The following WWP2 variants were observed in gnomAD, a reference collection of about 807,000 sequenced individuals.
The protein encoded by WWP2 is WW domain containing E3 ubiquitin protein ligase 2, also known as NEDD4-like E3 ubiquitin-protein ligase WWP2.
WWP2 carries 57 observed loss-of-function variants against 121.0 expected under a neutral mutation model. The ratio of observed to expected loss-of-function variants is 0.47; its 90% CI spans 0.38 to 0.59. The LOEUF is 0.59. WWP2 is among the 20% of genes least tolerant of loss of function. WWP2 has a pLI of 0.00. For synonymous variants in WWP2, 449 were observed against 441.3 expected (o/e 1.02, Z -0.22); for missense variants, 962 against 1,158.9 (o/e 0.83, Z 2.47).
At chr16:69,883,400 G>GCACACACACA (rs59771717) in intron 7 of WWP2, among the ~76,000 whole-genome samples, 55 of 145,860 alleles carry the variant, frequency 3.8e-4, no homozygotes, top group Non-Finnish European at 5.6e-4. Context: ...AAGAATGTGC[G>GCACACACACA]CACACACACA....
intron 16 of WWP2, chr16:69,933,239 G>A (rs1040144709): frequency 1.9e-5 from 8 of 428,010 alleles, no homozygotes; most frequent in Non-Finnish European, 3.4e-5. Flanking sequence ...GCTGGGGACT[G>A]GCCCCCTTGG....
rs113616767 is a variant in WWP2, at chr16:69,934,084, G to T, written c.1797G>T (p.Pro599=). The change falls in exon 17 of 24, where the codon CCG becomes CCT. Residue 599 remains proline, a synonymous_variant. Coordinates refer to ENST00000359154, the MANE Select transcript of WWP2 (RefSeq NM_001270454.2). ...TCAACCCCGCCTCCTCCATCAACCC[G>T]GACCACCTCACCTACTTTCGCTTTA... ...LQINPASSIN[P]DHLTYFRFIG... 1.2e-6 allele frequency: 2 copies of T among 1,614,040 alleles called. No individual in the cohort carries two copies. Among genetic ancestry groups the T allele is most frequent in the Non-Finnish European group, 1.7e-6 (2 of 1,179,978 alleles).
At chr16:69,861,821 G>T (rs1275661683) in intron 6 of WWP2, among the ~76,000 whole-genome samples, 1 of 151,588 alleles carries the variant, frequency 6.6e-6, no homozygotes, top group Non-Finnish European at 1.5e-5. Context: ...TTTCTTTCTG[G>T]TTCTGTCTTG....
chr16:69,922,756 G>C (rs1025412138), intron 10 of WWP2, among the ~76,000 whole-genome samples: 1 of 152,080 alleles, frequency 6.6e-6, no homozygotes, highest in Non-Finnish European at 1.5e-5. Context: ...GTTGTACTGC[G>C]TACCTTAGGG....
intron 9 of WWP2, chr16:69,909,735 T>TAA (rs1483940516): frequency 2.1e-6 from 2 of 965,348 alleles, no homozygotes; most frequent in Non-Finnish European, 2.5e-6. Context: ...AAAAACAGGT[T>TAA]AAGTGTTTTG....
At position 69,935,774 on chromosome 16, in the gene WWP2, T is replaced by A. The variant is rs1395830870; in HGVS notation, c.1843-79T>A. On this transcript the variant is annotated intron_variant, in intron 17 of 23. Transcript: ENST00000359154. The surrounding 1 kb of genome is among the most constrained non-coding windows in gnomAD (Gnocchi z 5.2). ...GAAGGCGGGTAGCGGTAGCAGAGTT[T>A]GATACCGAGCATCTGAGAGCTGGTC... 5.2e-6 allele frequency: 8 copies of A among 1,536,110 alleles called. No homozygotes were observed. In the South Asian group the frequency reaches 1.0e-4, roughly 20 times the overall value.
Position 69,937,410 on chromosome 16 carries a change from G to GCT in WWP2, c.2239-138_2239-137insCT, listed in dbSNP as rs1346389586. 1.5e-6 allele frequency: 2 copies of GCT among 1,344,314 alleles called. No homozygotes were observed. The highest frequency in any genetic ancestry group is 2.9e-5 in the African/African-American group (2 of 68,334). The allele number at this position is 1,344,314 out of a possible 1,614,324, so 83.3% of individuals were successfully genotyped here. A position where few individuals can be genotyped will look rare whatever the true frequency, so the allele number is the denominator to read the frequency against. ...CCAGACACTTGTTTCAAGAAAGCAG[G>GCT]GACTTACATTACCCATATTATTAAC... On this transcript the variant is annotated intron_variant, in intron 20 of 23. Transcript: ENST00000359154. This position sits in a 1 kb window ranked among gnomAD's most constrained non-coding sequence, Gnocchi z 6.6.
intron 1 of WWP2, among the ~76,000 whole-genome samples, chr16:69,777,130 G>T (rs1278400223): frequency 7.0e-6 from 1 of 143,360 alleles, no homozygotes; most frequent in Non-Finnish European, 1.5e-5. Flanking sequence ...TACACATATG[G>T]ATATATATAC....
rs955708719 is a variant in WWP2 at position 69,935,582 on chromosome 16, G to A, written c.1843-271G>A. Among the ~76,000 whole-genome samples the A allele has an allele frequency of 1.3e-5, 2 of 152,232 alleles. No homozygotes were observed. Among genetic ancestry groups the A allele is most frequent in the Admixed American group, 6.5e-5 (1 of 15,286 alleles). ...GCCGGCCAGCGTGCGGGGCAGATGC[G>A]GGCCCGGACGTGGGTTCCCGCACCA... On this transcript the variant is annotated intron_variant, in intron 17 of 23. Coordinates refer to ENST00000359154, the MANE Select transcript of WWP2 (RefSeq NM_001270454.2). This position sits in a 1 kb window ranked among gnomAD's most constrained non-coding sequence, Gnocchi z 5.2.
At chr16:69,892,315 A>G (rs897465593) in intron 8 of WWP2, among the ~76,000 whole-genome samples, 3 of 151,896 alleles carry the variant, frequency 2.0e-5, no homozygotes, top group South Asian at 2.1e-4. Context: ...TACATTAGGT[A>G]TTTCTCCTAA....
chr16:69,906,524 CT>C (rs1257517354), intron 8 of WWP2, among the ~76,000 whole-genome samples: 1 of 152,104 alleles, frequency 6.6e-6, no homozygotes, highest in African/African-American at 2.4e-5. Context: ...GGACTTTTTT[CT>C]TCATATACAG....
At chr16:69,857,012 C>T (rs1053810729) in intron 6 of WWP2, among the ~76,000 whole-genome samples, 12 of 152,198 alleles carry the variant, frequency 7.9e-5, no homozygotes, top group Admixed American at 5.9e-4. Context: ...TTATGTTTCT[C>T]GTGATTCTTG....
At chr16:69,929,958 C>G (rs1567439837) in intron 12 of WWP2, among the ~76,000 whole-genome samples, 172 bp from the exon 13 acceptor site, 1 of 152,236 alleles carries the variant, frequency 6.6e-6, no homozygotes, top group Non-Finnish European at 1.5e-5. Context: ...TAAGTGACCT[C>G]TCCGTGCTGC....
intron 4 of WWP2, among the ~76,000 whole-genome samples, chr16:69,837,146 A>C (rs890774340): frequency 6.7e-6 from 1 of 150,108 alleles, no homozygotes; most frequent in Non-Finnish European, 1.5e-5. Flanking sequence ...GCTGGTCTTG[A>C]ACTCCTGGAC....
chr16:69,770,674 T>C (rs2055395075), intron 1 of WWP2, among the ~76,000 whole-genome samples: 1 of 152,318 alleles, frequency 6.6e-6, no homozygotes, highest in South Asian at 2.1e-4. Flanking sequence ...TTGCAATTGA[T>C]GTCGCAAGTC....
chr16:69,917,482 C>G (rs577617980), intron 9 of WWP2: 1 of 454,926 alleles, frequency 2.2e-6, no homozygotes, highest in South Asian at 4.6e-5. Flanking sequence ...GGAACAGAGT[C>G]AGCTTCCCCA....
chr16:69,880,008 A>G (rs1236523077), intron 7 of WWP2, among the ~76,000 whole-genome samples: 1 of 150,668 alleles, frequency 6.6e-6, no homozygotes, highest in East Asian at 1.9e-4. Flanking sequence ...TTTTTTCTTT[A>G]TGGCCACATT....
chr16:69,927,858 C>A (rs2058661254), intron 11 of WWP2, among the ~76,000 whole-genome samples: 1 of 152,164 alleles, frequency 6.6e-6, no homozygotes, highest in Admixed American at 6.5e-5. Context: ...GATGAAGTCT[C>A]GCTGTGTTGC....
At chr16:69,789,980 C>T (rs1012439147) in intron 2 of WWP2, among the ~76,000 whole-genome samples, 1 of 152,206 alleles carries the variant, frequency 6.6e-6, no homozygotes, top group East Asian at 1.9e-4. Flanking sequence ...CGGTGGCTCA[C>T]GCCTGTAATC....
Sources: allele counts gnomAD v4.1 joint callset (sites outside exome capture counted in the v4.1 genomes callset), GRCh38; gene constraint gnomAD v4.1.1; non-coding constraint Gnocchi (gnomAD v3.1); transcripts MANE v1.5; gene names NCBI Gene and HGNC (gene_info 2026-07-23, HGNC 2026-07-21).